SLC37A1: variants seen among roughly 807,000 people sequenced by gnomAD.
SLC37A1 encodes solute carrier family 37 member 1.
In SLC37A1, 49 loss-of-function variants were observed where a neutral mutation model predicts 75.3. The ratio of observed to expected loss-of-function variants is 0.65; its 90% CI spans 0.52 to 0.83. The LOEUF (loss-of-function observed/expected upper bound fraction) is 0.83, where lower values mean the gene tolerates loss of function less well. SLC37A1 is among the 40% of genes least tolerant of loss of function. The pLI is 0.00. For missense variants in SLC37A1, 566 were observed against 695.0 expected (o/e 0.81, Z 2.09); for synonymous variants, 268 against 292.1 (o/e 0.92, Z 0.84).
intron 2 of SLC37A1, among the ~76,000 whole-genome samples, chr21:42,504,320 G>A (rs1395458227): frequency 1.3e-5 from 2 of 152,082 alleles, no homozygotes; most frequent in African/African-American, 4.8e-5. Context: ...AGAGTATAGG[G>A]GTGATAGCTT....
upstream of SLC37A1, among the ~76,000 whole-genome samples, chr21:42,513,633 A>G (rs1257842732): frequency 6.6e-6 from 1 of 150,790 alleles, no homozygotes; most frequent in African/African-American, 2.4e-5. Flanking sequence ...GGCGCGGGCC[A>G]TGACCCGGGT....
chr21:42,543,290 C>CCGCA, intron 7 of SLC37A1, 146 bp from the exon 8 acceptor site: 1 of 907,658 alleles, frequency 1.1e-6, no homozygotes, highest in South Asian at 1.4e-5. Context: ...ATCGCGAGTC[C>CCGCA]TGCATGGCAC....
chr21:42,501,314 G>A (rs376156563), intron 1 of SLC37A1, among the ~76,000 whole-genome samples: 6 of 152,274 alleles, frequency 3.9e-5, no homozygotes, highest in Middle Eastern at 3.4e-3. Context: ...GCTTAACTAC[G>A]TCTGAGTGTC....
chr21:42,579,919 C>G, intron 19 of SLC37A1, 119 bp downstream of exon 19: 1 of 864,042 alleles, frequency 1.2e-6, no homozygotes, highest in Non-Finnish European at 1.9e-6. Flanking sequence ...CTTATCTTTT[C>G]ACGGCACGCC....
At position 42,542,404 on chromosome 21, in the gene SLC37A1, G is replaced by A. The variant is rs1216591730; in HGVS notation, c.487G>A (p.Val163Ile). Residue 163 changes from valine (V) to isoleucine (I), a missense_variant and splice_region_variant, in exon 7 of 20, where the codon GTC (valine) becomes ATC (isoleucine). Transcript: ENST00000352133. ...HSFGFYVVTQ[V>I]INGLVQTTGW... ...GTCTCTCCTTTGGCCTCTCCTGCAG[G>A]TCATCAACGGGCTGGTGCAGACCAC... The A allele has an allele frequency of 6.2e-7, 1 of 1,613,674 alleles. No homozygotes were observed. Among genetic ancestry groups the A allele is most frequent in the South Asian group, 1.1e-5 (1 of 91,004 alleles).
At position 42,564,723 on chromosome 21, in the gene SLC37A1, G is replaced by A. The variant is rs1438823552; in HGVS notation, c.1151G>A (p.Gly384Asp). ...TCCGTTGCAGGTGGGATCCTGGCAG[G>A]TGTGATCTCAGACCGACTGGAGAAA... ...VGGIFGGILA[G>D]VISDRLEKRA... is the part of the protein sequence containing the mutation. The change falls in exon 14 of 20, where the codon GGT (glycine) becomes GAT (aspartate). Residue 384 changes from glycine to aspartate, a missense_variant. Gly to Asp is a moderately conservative substitution (Grantham distance 94, BLOSUM62 -1). Coordinates refer to ENST00000352133, the MANE Select transcript of SLC37A1 (RefSeq NM_001320537.2). 6.2e-7 allele frequency: 1 copy of A among 1,611,342 alleles called. No individual in the cohort carries two copies. Among genetic ancestry groups the A allele is most frequent in the South Asian group, 1.1e-5 (1 of 91,080 alleles).
At chr21:42,565,706 T>G in intron 14 of SLC37A1, 121 bp from the exon 15 acceptor site, 1 of 849,556 alleles carries the variant, frequency 1.2e-6, no homozygotes, top group Non-Finnish European at 1.9e-6. Context: ...TTTTTAGGGG[T>G]TTCCACTCTT....
In SLC37A1 at chr21:42,525,822, T is replaced by G. The variant is rs2054774837; in HGVS notation, c.103T>G (p.Phe35Val). The G allele has an allele frequency of 6.2e-7, 1 of 1,614,020 alleles. No individual in the cohort carries two copies. The highest frequency in any genetic ancestry group is 1.7e-5 in the Admixed American group (1 of 59,996). ...FILTFLLYAS[F>V]HLSRKPISIV... ...TTTGACATTTCTGCTGTATGCAAGT[T>G]TTCACTTATCTCGAAAGCCTATCAG... Residue 35 changes from phenylalanine (F) to valine (V), a missense_variant, in exon 3 of 20, where the codon TTT becomes GTT. By Grantham distance (50) the Phe-to-Val change is conservative. Coordinates refer to ENST00000352133, the MANE Select transcript of SLC37A1 (RefSeq NM_001320537.2).
At chr21:42,564,164 C>T (rs1601756591) in intron 13 of SLC37A1, among the ~76,000 whole-genome samples, 2 of 135,128 alleles carry the variant, frequency 1.5e-5, no homozygotes, top group Admixed American at 1.8e-4. Context: ...TTGGGAGGAT[C>T]GCTTGAGGTC....
chr21:42,513,255 A>C (rs1407803066), upstream of SLC37A1, among the ~76,000 whole-genome samples: 1 of 152,130 alleles, frequency 6.6e-6, no homozygotes, highest in African/African-American at 2.4e-5. Context: ...ACTGGCCCGC[A>C]AGGGTAAGAA....
At chr21:42,534,132 G>T (rs556802735) in intron 3 of SLC37A1, among the ~76,000 whole-genome samples, 1 of 152,108 alleles carries the variant, frequency 6.6e-6, no homozygotes, top group Non-Finnish European at 1.5e-5. Context: ...TTAGGTAACC[G>T]TGACTCTCAC....
At chr21:42,559,261 G>A (rs1181634366) in intron 11 of SLC37A1, among the ~76,000 whole-genome samples, 172 bp downstream of exon 11, 1 of 152,210 alleles carries the variant, frequency 6.6e-6, no homozygotes, top group East Asian at 1.9e-4. Flanking sequence ...ACTGAATATG[G>A]CTGCAGTGAT....
At chr21:42,558,087 G>A (rs116598797) in intron 10 of SLC37A1, among the ~76,000 whole-genome samples, 3,065 of 152,184 alleles carry the variant, frequency 0.02, 104 homozygotes, top group African/African-American at 0.07. Context: ...GACTACAAGC[G>A]CATACCACCA....
chr21:42,566,528 T>C (rs2055982154), intron 15 of SLC37A1, among the ~76,000 whole-genome samples: 1 of 152,250 alleles, frequency 6.6e-6, no homozygotes. Context: ...TTAAATGTTA[T>C]CCAGAAGGCA....
At chr21:42,551,014 G>C (rs1331948237) in intron 9 of SLC37A1, among the ~76,000 whole-genome samples, 1 of 152,254 alleles carries the variant, frequency 6.6e-6, no homozygotes, top group African/African-American at 2.4e-5. Flanking sequence ...TCAGGAACAA[G>C]ACTAGGAGGC....
chr21:42,558,923 C>G (rs1224411183), intron 10 of SLC37A1, 35 bp from the exon 11 acceptor site: 1 of 1,613,232 alleles, frequency 6.2e-7, no homozygotes, highest in Admixed American at 1.7e-5. Flanking sequence ...GCTGGTAACA[C>G]CTTTCCTTTT....
intron 16 of SLC37A1, among the ~76,000 whole-genome samples, 188 bp from the exon 17 acceptor site, chr21:42,568,172 C>A (rs1437770946): frequency 1.3e-5 from 2 of 152,232 alleles, no homozygotes; most frequent in African/African-American, 4.8e-5. Context: ...TTTCTGATGA[C>A]TTTTGACTCT....
intron 17 of SLC37A1, among the ~76,000 whole-genome samples, chr21:42,573,573 G>A (rs1247798343): frequency 6.6e-6 from 1 of 151,990 alleles, no homozygotes; most frequent in Non-Finnish European, 1.5e-5. Context: ...TAACACATGA[G>A]TAGCCGACCA....
At chr21:42,538,076 A>G in intron 5 of SLC37A1, among the ~76,000 whole-genome samples, 1 of 152,244 alleles carries the variant, frequency 6.6e-6, no homozygotes, top group East Asian at 1.9e-4. Flanking sequence ...GTAGAGATCA[A>G]AGTAGGCCCA....
Sources: allele counts gnomAD v4.1 joint callset (sites outside exome capture counted in the v4.1 genomes callset), GRCh38; gene constraint gnomAD v4.1.1; transcripts MANE v1.5; gene names NCBI Gene and HGNC (gene_info 2026-07-23, HGNC 2026-07-21).